Variants in RIMS1 observed in about 807,000 individuals in gnomAD.
RIMS1 encodes regulating synaptic membrane exocytosis protein 1.
A neutral mutation model predicts 214.1 loss-of-function variants in RIMS1; 83 were observed. The observed-to-expected ratio is 0.39, with a 90% CI of 0.32 to 0.47. RIMS1 has a LOEUF of 0.47. Among genes scored for constraint, RIMS1 ranks in the 20% least tolerant of loss-of-function variants. The pLI, the probability that RIMS1 is intolerant of heterozygous loss-of-function variation, is 0.99. For missense variants in RIMS1, 2,050 were observed against 2,161.8 expected (o/e 0.95, Z 1.03); for synonymous variants, 793 against 786.8 (o/e 1.01, Z -0.13).
At chr6:72,106,455 A>G (rs1018083119) in intron 4 of RIMS1, among the ~76,000 whole-genome samples, 1 of 152,194 alleles carries the variant, frequency 6.6e-6, no homozygotes, top group Non-Finnish European at 1.5e-5. Flanking sequence ...ATAGAAACAC[A>G]GAAGACCAAC....
intron 4 of RIMS1, among the ~76,000 whole-genome samples, chr6:72,113,354 C>T (rs1010527143): frequency 2.6e-5 from 4 of 152,102 alleles, no homozygotes; most frequent in Non-Finnish European, 5.9e-5. Context: ...TTAATGATTT[C>T]CATCCTTGTG....
intron 1 of RIMS1, among the ~76,000 whole-genome samples, chr6:71,947,580 A>C (rs1313385149): frequency 6.6e-6 from 1 of 152,124 alleles, no homozygotes; most frequent in Non-Finnish European, 1.5e-5. Flanking sequence ...GTCAAATGAC[A>C]TAACATTTCA....
intron 4 of RIMS1, among the ~76,000 whole-genome samples, chr6:72,153,667 C>A (rs1170303015): frequency 6.6e-6 from 1 of 152,058 alleles, no homozygotes; most frequent in Non-Finnish European, 1.5e-5. Context: ...AAAGCTTGTG[C>A]ACTTACTGCG....
chr6:71,930,697 A>G (rs1287695456), intron 1 of RIMS1, among the ~76,000 whole-genome samples: 1 of 152,052 alleles, frequency 6.6e-6, no homozygotes, highest in African/African-American at 2.4e-5. Context: ...CAAACTCGAA[A>G]TTCCTTTTCA....
intron 31 of RIMS1, among the ~76,000 whole-genome samples, chr6:72,395,694 G>GA (rs2098766181): frequency 6.6e-6 from 1 of 152,006 alleles, no homozygotes; most frequent in Non-Finnish European, 1.5e-5. Flanking sequence ...CCAGAATAGG[G>GA]AAAGGAGTAT....
At chr6:72,032,269 A>G (rs1167470389) in intron 2 of RIMS1, among the ~76,000 whole-genome samples, 5 of 152,110 alleles carry the variant, frequency 3.3e-5, no homozygotes, top group Admixed American at 6.6e-5. Flanking sequence ...TGAGAGGACT[A>G]AAAATACAGC....
At chr6:72,135,998 A>G (rs1640844627) in intron 4 of RIMS1, among the ~76,000 whole-genome samples, 2 of 152,218 alleles carry the variant, frequency 1.3e-5, no homozygotes, top group African/African-American at 4.8e-5. Context: ...TGCATACACC[A>G]AATAAAAACA....
At chr6:71,921,548 C>A (rs1347265356) in intron 1 of RIMS1, among the ~76,000 whole-genome samples, 3 of 152,202 alleles carry the variant, frequency 2.0e-5, no homozygotes, top group Non-Finnish European at 2.9e-5. Context: ...TTGATTTGGC[C>A]TCTTGCACAA....
intron 2 of RIMS1, among the ~76,000 whole-genome samples, chr6:72,024,938 C>G (rs548101608): frequency 8.5e-6 from 1 of 117,140 alleles, no homozygotes; most frequent in Non-Finnish European, 1.6e-5. Flanking sequence ...CAGAGTCTCT[C>G]TGTTGCCCAG....
At chr6:72,274,269 TC>T (rs2084958686) in intron 22 of RIMS1, 79 bp from the exon 23 acceptor site, 1 of 944,016 alleles carries the variant, frequency 1.1e-6, no homozygotes, top group Non-Finnish European at 1.6e-6. Context: ...GCTTTTCCAG[TC>T]CTCTTGTTCC....
intron 23 of RIMS1, among the ~76,000 whole-genome samples, chr6:72,275,127 TATATATATATATATATATATA>T (rs2085563277): frequency 2.9e-3 from 1 of 344 alleles, no homozygotes; most frequent in Non-Finnish European, 4.9e-3. Context: ...ATGGTATATA[TATATATATATATATATATATA>T]TATATATATA....
intron 1 of RIMS1, among the ~76,000 whole-genome samples, chr6:71,905,288 A>G (rs1774937336): frequency 6.6e-6 from 1 of 152,116 alleles, no homozygotes; most frequent in African/African-American, 2.4e-5. Context: ...AAAAATTAAG[A>G]CAAACAACTT....
intron 29 of RIMS1, among the ~76,000 whole-genome samples, chr6:72,339,230 A>T (rs1339494705): frequency 4.6e-5 from 7 of 151,810 alleles, no homozygotes; most frequent in African/African-American, 1.7e-4. Flanking sequence ...ACAAGGAAGG[A>T]CTTTGCACAA....
chr6:72,331,859 G>C lies in RIMS1; in HGVS notation c.4131-1741G>C, dbSNP rs116374938. Among the ~76,000 whole-genome samples, 796 of 151,918 alleles carry C rather than the reference G, an allele frequency of 5.2e-3. 10 individuals carry two copies. The highest frequency in any genetic ancestry group is 0.018 in the African/African-American group (767 of 41,498). On this transcript the variant is annotated intron_variant, in intron 28 of 33. Coordinates refer to ENST00000521978, the MANE Select transcript of RIMS1 (RefSeq NM_014989.7). ...AATCATTTATTATTATCAGAATTTTGATGTGGACAAGTTCAAGTAATGCAG... is the reference window on the plus strand; with the variant it reads ...AATCATTTATTATTATCAGAATTTTCATGTGGACAAGTTCAAGTAATGCAG...
chr6:72,258,978 C>T lies in RIMS1; in HGVS notation c.2928-8C>T, dbSNP rs2076936521. 6.2e-7 allele frequency: 1 copy of T among 1,611,996 alleles called. No individual in the cohort carries two copies. Among genetic ancestry groups the T allele is most frequent in the African/African-American group, 1.3e-5 (1 of 74,818 alleles). Reference sequence around the variant, plus strand: ...ATTTGACACATAAGAATTTTGTAATCATTTTAGGAGTTTAGATGAAATTCA... The same window carrying T: ...ATTTGACACATAAGAATTTTGTAATTATTTTAGGAGTTTAGATGAAATTCA... On this transcript the variant is annotated splice_region_variant and splice_polypyrimidine_tract_variant and intron_variant, in intron 17 of 33. Coordinates refer to ENST00000521978, the MANE Select transcript of RIMS1 (RefSeq NM_014989.7).
chr6:72,053,113 T>C (rs1825168942), intron 2 of RIMS1, among the ~76,000 whole-genome samples: 1 of 152,160 alleles, frequency 6.6e-6, no homozygotes, highest in Admixed American at 6.6e-5. Context: ...TCAGGATCTA[T>C]CCCGAAGTCT....
chr6:72,105,730 A>G (rs1055765384), intron 4 of RIMS1, among the ~76,000 whole-genome samples: 21 of 152,170 alleles, frequency 1.4e-4, no homozygotes, highest in African/African-American at 4.8e-4. Context: ...TAATAATTTT[A>G]TGAATGTTAT....
intron 4 of RIMS1, among the ~76,000 whole-genome samples, chr6:72,154,483 G>T (rs114044954): frequency 1.4e-5 from 2 of 140,584 alleles, no homozygotes; most frequent in African/African-American, 2.5e-5. Flanking sequence ...GCAAAAATAC[G>T]TCAAAACATA....
At chr6:72,391,150 T>C (rs1045805773) in intron 30 of RIMS1, among the ~76,000 whole-genome samples, 2 of 152,188 alleles carry the variant, frequency 1.3e-5, no homozygotes, top group African/African-American at 4.8e-5. Flanking sequence ...CCAAGCTATT[T>C]TGGACCCTAA....
Sources: allele counts gnomAD v4.1 joint callset (sites outside exome capture counted in the v4.1 genomes callset), GRCh38; gene constraint gnomAD v4.1.1; transcripts MANE v1.5; gene names NCBI Gene and HGNC (gene_info 2026-07-23, HGNC 2026-07-21).